VPS53: variants seen among roughly 807,000 people sequenced by gnomAD.
VPS53 encodes vacuolar protein sorting-associated protein 53 homolog.
In VPS53, 70 loss-of-function variants were observed where a neutral mutation model predicts 107.0. The ratio of observed to expected loss-of-function variants is 0.65; its 90% CI spans 0.54 to 0.80. VPS53 has a LOEUF of 0.80. Among genes scored for constraint, VPS53 ranks in the 30% least tolerant of loss-of-function variants. The pLI is 0.00. For missense variants in VPS53, 917 were observed against 1,049.4 expected (o/e 0.87, Z 1.74); for synonymous variants, 409 against 393.3 (o/e 1.04, Z -0.47).
chr17:571,047 A>G (rs1460068252), intron 13 of VPS53, among the ~76,000 whole-genome samples: 1 of 152,116 alleles, frequency 6.6e-6, no homozygotes, highest in East Asian at 1.9e-4. Context: ...GGTTGGGCAC[A>G]GTGGTTCACG....
rs190462213 is a variant in VPS53, at chr17:536,894, A to C, written c.2015+134T>G. ...GGTGTCGGTAATGGGAAGACTGTGC[A>C]TGTTGGGGGGGTCAGGTACACGGGA... On this transcript the variant is annotated intron_variant, in intron 18 of 21. Coordinates refer to ENST00000437048, the MANE Select transcript of VPS53 (RefSeq NM_001128159.3). 231 of 1,123,028 alleles carry C rather than the reference A, an allele frequency of 2.1e-4. 1 individual carries two copies. The African/African-American group carries it at 3.3e-3, about 16-fold the overall frequency. 69.6% of individuals were successfully genotyped at this position (1,123,028 alleles called of 1,614,324 possible). A position where few individuals can be genotyped will look rare whatever the true frequency, so the allele number is the denominator to read the frequency against.
intron 11 of VPS53, among the ~76,000 whole-genome samples, chr17:615,398 G>A (rs535655393): frequency 6.6e-6 from 1 of 152,272 alleles, no homozygotes; most frequent in East Asian, 1.9e-4. Context: ...GCTGTGGCAG[G>A]TCTTGTCTTC....
Position 560,422 on chromosome 17 carries a change from T to C in VPS53, c.1704+4A>G. On this transcript the variant is annotated splice_donor_region_variant and intron_variant, in intron 15 of 21. Coordinates refer to ENST00000437048, the MANE Select transcript of VPS53 (RefSeq NM_001128159.3). ...GTGGTGAGTGGGCAGCCAGGATGGC[T>C]CACCTGCTGGGTGGTGGCCAGACAG... The C allele has an allele frequency of 6.2e-7, 1 of 1,608,914 alleles. No homozygotes were observed. Among genetic ancestry groups the C allele is most frequent in the Non-Finnish European group, 8.5e-7 (1 of 1,177,848 alleles).
At chr17:603,704 C>G (rs1275625548) in intron 11 of VPS53, among the ~76,000 whole-genome samples, 1 of 152,170 alleles carries the variant, frequency 6.6e-6, no homozygotes, top group Non-Finnish European at 1.5e-5. Context: ...CATTTGCACA[C>G]TCCAAACTTT....
chr17:586,789 T>A (rs1967342537), intron 12 of VPS53, among the ~76,000 whole-genome samples: 1 of 152,230 alleles, frequency 6.6e-6, no homozygotes, highest in African/African-American at 2.4e-5. Context: ...TAATCCTTCA[T>A]GTAGGTATGA....
chr17:532,948 C>T, intron 18 of VPS53, 37 bp from the exon 19 acceptor site: 1 of 1,604,486 alleles, frequency 6.2e-7, no homozygotes, highest in Non-Finnish European at 8.5e-7. Context: ...TAGGCTTATT[C>T]TCTCTTGAGG....
rs1241122931 is a variant in VPS53 at position 571,968 on chromosome 17, G to A, written c.1314-9223C>T. On this transcript the variant is annotated intron_variant, in intron 13 of 21. Transcript: ENST00000437048. ...GCAGCCTCTGCCCGGCCGCCACCCC[G>A]TCTAGGAAGTGAGGAGCGTCTCTGC... Among the ~76,000 whole-genome samples the A allele has an allele frequency of 1.6e-3, 244 of 151,522 alleles. 1 individual carries two copies. The highest frequency in any genetic ancestry group is 5.7e-3 in the African/African-American group (234 of 41,272).
At chr17:666,111 G>A (rs999701730) in intron 4 of VPS53, among the ~76,000 whole-genome samples, 7 of 152,170 alleles carry the variant, frequency 4.6e-5, no homozygotes, top group African/African-American at 1.7e-4. Flanking sequence ...AAATTCAGAA[G>A]TCATTACTTT....
chr17:639,812 T>TGG (rs1016560969), intron 7 of VPS53, among the ~76,000 whole-genome samples: 3 of 152,210 alleles, frequency 2.0e-5, no homozygotes, highest in African/African-American at 7.2e-5. Context: ...CTGCCCCTAC[T>TGG]GGAGGGTGCC....
At chr17:702,485 A>G (rs1378380494) in intron 2 of VPS53, among the ~76,000 whole-genome samples, 1 of 152,018 alleles carries the variant, frequency 6.6e-6, no homozygotes. Context: ...AATATGGTGA[A>G]ACCCCGTCTC....
intron 12 of VPS53, among the ~76,000 whole-genome samples, chr17:598,167 T>C (rs1268122628): frequency 6.6e-6 from 1 of 152,190 alleles, no homozygotes; most frequent in Non-Finnish European, 1.5e-5. Context: ...TTCGCTGGGT[T>C]GGCCAGGCCG....
rs1908235399 is a variant in VPS53, at chr17:515,454, C to T, written c.*3674G>A. 1 of 152,166 alleles carries T rather than the reference C, an allele frequency of 6.6e-6. No homozygotes were observed. The highest frequency in any genetic ancestry group is 6.6e-5 in the Admixed American group (1 of 15,266). 9.4% of individuals were successfully genotyped at this position (152,166 alleles called of 1,614,324 possible). On this transcript the variant is annotated 3_prime_UTR_variant, in exon 22 of 22. Transcript: ENST00000437048. The stretch of plus-strand genomic sequence containing the variant: ...CCATGTCGGCCAGGCTGGTCTCGAA[C>T]TCCTGACCTCACATGATCCACCTGC...
chr17:692,749 T>A (rs1972819376), intron 4 of VPS53, among the ~76,000 whole-genome samples: 1 of 152,200 alleles, frequency 6.6e-6, no homozygotes, highest in Non-Finnish European at 1.5e-5. Context: ...ACGCCTGTCA[T>A]CCCAGCACTT....
At chr17:608,576 A>AATAGGC (rs1402729159) in intron 11 of VPS53, among the ~76,000 whole-genome samples, 1 of 151,762 alleles carries the variant, frequency 6.6e-6, no homozygotes, top group Non-Finnish European at 1.5e-5. Flanking sequence ...TTGAGTTTTT[A>AATAGGC]ATAGGCATAT....
At chr17:573,238 A>C (rs571045876) in intron 13 of VPS53, among the ~76,000 whole-genome samples, 6 of 152,198 alleles carry the variant, frequency 3.9e-5, no homozygotes, top group Non-Finnish European at 8.8e-5. Flanking sequence ...TTTCTTTTGC[A>C]AGAGTCAGCC....
Position 516,152 on chromosome 17 carries a change from C to A in VPS53, c.*2976G>T, listed in dbSNP as rs1567591631. 6.6e-6 allele frequency: 1 copy of A among 152,088 alleles called. No homozygotes were observed. Among genetic ancestry groups the A allele is most frequent in the African/African-American group, 2.4e-5 (1 of 41,472 alleles). The allele number at this position is 152,088 out of a possible 1,614,324, so 9.4% of individuals were successfully genotyped here. The stretch of plus-strand genomic sequence containing the variant: ...TGTTATCAGTAGAGAATCTTCACCA[C>A]GTTGGCACCAGCTCAAGTGTAGTGT... On this transcript the variant is annotated 3_prime_UTR_variant, in exon 22 of 22. Transcript: ENST00000437048.
chr17:566,194 A>C (rs1597311474), intron 13 of VPS53, among the ~76,000 whole-genome samples: 3 of 131,752 alleles, frequency 2.3e-5, no homozygotes, highest in Admixed American at 8.1e-5. Context: ...ACAGAGCGAG[A>C]CTCCGTCTCA....
At chr17:702,948 G>A (rs1379934319) in intron 2 of VPS53, among the ~76,000 whole-genome samples, 2 of 152,230 alleles carry the variant, frequency 1.3e-5, no homozygotes, top group Non-Finnish European at 2.9e-5. Flanking sequence ...GCTCATGCCT[G>A]TAATCCCAAC....
chr17:557,569 T>G (rs1263564126), intron 15 of VPS53, among the ~76,000 whole-genome samples: 1 of 152,214 alleles, frequency 6.6e-6, no homozygotes, highest in Non-Finnish European at 1.5e-5. Flanking sequence ...TGATTCATCT[T>G]GTAGATTTCC....
Sources: gnomAD v4.1 joint callset for allele counts (sites outside exome capture counted in the v4.1 genomes callset) on GRCh38, gnomAD v4.1.1 for gene constraint, MANE v1.5 for transcripts, NCBI Gene and HGNC (gene_info 2026-07-23, HGNC 2026-07-21) for gene names.